PLG: variants seen among roughly 807,000 people sequenced by gnomAD.
The protein encoded by PLG is plasminogen, also known as plasmin.
A neutral mutation model predicts 104.4 loss-of-function variants in PLG; 41 were observed. The observed-to-expected ratio is 0.39, with a 90% CI of 0.31 to 0.51. The LOEUF (loss-of-function observed/expected upper bound fraction) is 0.51, where lower values mean the gene tolerates loss of function less well. Among genes scored for constraint, PLG ranks in the 20% least tolerant of loss-of-function variants. The pLI, the probability that PLG is intolerant of heterozygous loss-of-function variation, is 0.76. For synonymous variants in PLG, 337 were observed against 357.1 expected (o/e 0.94, Z 0.63); for missense variants, 891 against 1,003.6 (o/e 0.89, Z 1.52).
intron 9 of PLG, among the ~76,000 whole-genome samples, chr6:160,720,519 A>T (rs985060879): frequency 1.5e-5 from 2 of 135,440 alleles, no homozygotes; most frequent in African/African-American, 5.6e-5. Context: ...TCCCAGGTTC[A>T]AGTGATTCTC....
At position 160,731,333 on chromosome 6, in the gene PLG, C is replaced by A; in HGVS notation, c.1438+101C>A. 4 of 1,100,028 alleles carry A rather than the reference C, an allele frequency of 3.6e-6. No homozygotes were observed. The highest frequency in any genetic ancestry group is 1.3e-5 in the South Asian group (1 of 78,340). 68.1% of individuals were successfully genotyped at this position (1,100,028 alleles called of 1,614,324 possible). On this transcript the variant is annotated intron_variant, in intron 11 of 18. Coordinates refer to ENST00000308192, the MANE Select transcript of PLG (RefSeq NM_000301.5). The surrounding 1 kb of genome is among the most constrained non-coding windows in gnomAD (Gnocchi z 5.1). ...AAACCTTCCATGCTACACGAGAAAT[C>A]AAGTGTTTTTAGAGGGTCTGCCATG...
At position 160,706,470 on chromosome 6, in the gene PLG, A is replaced by G; in HGVS notation, c.113A>G (p.Lys38Arg). 1 of 1,613,874 alleles carries G rather than the reference A, an allele frequency of 6.2e-7. No homozygotes were observed. Among genetic ancestry groups the G allele is most frequent in the Non-Finnish European group, 8.5e-7 (1 of 1,179,780 alleles). The change falls in exon 2 of 19, where the codon AAG becomes AGG. Residue 38 changes from lysine (K) to arginine (R), a missense_variant. Lys to Arg is a conservative substitution (Grantham distance 26). Coordinates refer to ENST00000308192, the MANE Select transcript of PLG (RefSeq NM_000301.5). ...TQGASLFSVT[K>R]KQLGAGSIEE... ...GGGGCTTCACTGTTCAGTGTCACTA[A>G]GAAGCAGCTGGGAGCAGGAAGTATA...
chr6:160,707,535 G>T (rs1332728196), intron 2 of PLG, among the ~76,000 whole-genome samples, 165 bp from the exon 3 acceptor site: 1 of 152,196 alleles, frequency 6.6e-6, no homozygotes, highest in Non-Finnish European at 1.5e-5. Flanking sequence ...ATTTTGTTCA[G>T]TACTTCATCG....
At position 160,734,076 on chromosome 6, in the gene PLG, G is replaced by A. The variant is rs1354335535; in HGVS notation, c.1669G>A (p.Val557Ile). 6.3e-7 allele frequency: 1 copy of A among 1,589,132 alleles called. No individual in the cohort carries two copies. Among genetic ancestry groups the A allele is most frequent in the African/African-American group, 1.3e-5 (1 of 74,438 alleles). Reference sequence around the variant, plus strand: ...AAGAAAACTTTACGACTACTGTGATGTCCCTCAGTGTGGTAGGTTGCCTTC... The same window carrying A: ...AAGAAAACTTTACGACTACTGTGATATCCCTCAGTGTGGTAGGTTGCCTTC... ...NPRKLYDYCD[V>I]PQCAAPSFDC... The change falls in exon 13 of 19, where the codon GTC becomes ATC. Residue 557 changes from valine (V) to isoleucine (I), a missense_variant. By Grantham distance (29) the Val-to-Ile change is conservative. This residue lies in a region of PLG where 854 missense variants were observed against 932.1 expected (regional missense o/e 0.92). Coordinates refer to ENST00000308192, the MANE Select transcript of PLG (RefSeq NM_000301.5). The surrounding 1 kb of genome is among the most constrained non-coding windows in gnomAD (Gnocchi z 4.4).
rs201754541 is a variant in PLG at position 160,734,745 on chromosome 6, G to GA, written c.1681+676dup. On this transcript the variant is annotated intron_variant, in intron 13 of 18. Transcript: ENST00000308192. The surrounding 1 kb of genome is among the most constrained non-coding windows in gnomAD (Gnocchi z 4.4). ...GAATAACAAATCCATGGGTATTTCT[G>GA]AAAAAAAAAAAAAAAAAAAGAAAGG... Among the ~76,000 whole-genome samples the GA allele has an allele frequency of 9.0e-3, 1,021 of 113,868 alleles. 4 individuals carry two copies. Among genetic ancestry groups the GA allele is most frequent in the Admixed American group, 0.013 (145 of 11,550 alleles). 74.7% of individuals were successfully genotyped at this position (113,868 alleles called of 152,430 possible).
intron 17 of PLG, among the ~76,000 whole-genome samples, chr6:160,751,216 G>C (rs1196493875): frequency 2.0e-5 from 3 of 152,180 alleles, no homozygotes; most frequent in Admixed American, 1.3e-4. Flanking sequence ...AAAATGTTAA[G>C]GAATAAGAAT....
upstream of PLG, chr6:160,702,199 T>C: frequency 2.4e-6 from 3 of 1,257,414 alleles, no homozygotes; most frequent in Non-Finnish European, 3.4e-6. Context: ...GAGAGAATCA[T>C]TAACTTAATT....
chr6:160,727,537 A>G (rs747994868), intron 10 of PLG, among the ~76,000 whole-genome samples: 13 of 151,902 alleles, frequency 8.6e-5, no homozygotes, highest in Non-Finnish European at 1.5e-4. Context: ...ACATAAATAT[A>G]AAAAGATGTA....
rs4252130 is a variant in PLG, at chr6:160,732,048, A to C, written c.1587+155A>C. 0.21 allele frequency among the ~76,000 whole-genome samples: 32,106 copies of C among 152,104 alleles called. 3,986 individuals are homozygous for C. The highest frequency in any genetic ancestry group is 0.29 in the Non-Finnish European group (19,729 of 67,966). ...ATATTGGAAAGGCATCAGGGGGCTA[A>C]GCTAGAATATAATTGGCCTTAGTAT... On this transcript the variant is annotated intron_variant, in intron 12 of 18. Transcript: ENST00000308192. This position sits in a 1 kb window ranked among gnomAD's most constrained non-coding sequence, Gnocchi z 4.5.
chr6:160,729,267 G>A (rs1015991380), intron 10 of PLG, among the ~76,000 whole-genome samples: 1 of 152,250 alleles, frequency 6.6e-6, no homozygotes, highest in Non-Finnish European at 1.5e-5. Context: ...TGTCACTGAT[G>A]TGGAGCGAGG....
At chr6:160,705,067 C>T (rs2872761) in intron 1 of PLG, among the ~76,000 whole-genome samples, 30 of 152,276 alleles carry the variant, frequency 2.0e-4, no homozygotes, top group African/African-American at 5.5e-4. Context: ...TGTAACCCAC[C>T]CCCTCTGCCT....
chr6:160,704,758 G>T (rs367909366), intron 1 of PLG, among the ~76,000 whole-genome samples: 2 of 152,208 alleles, frequency 1.3e-5, no homozygotes, highest in East Asian at 1.9e-4. Context: ...AAGTCCCAGA[G>T]GTGGGGAGCA....
intron 17 of PLG, among the ~76,000 whole-genome samples, chr6:160,743,785 T>C (rs971141738): frequency 6.6e-6 from 1 of 152,234 alleles, no homozygotes; most frequent in African/African-American, 2.4e-5. Flanking sequence ...AGTATGATGT[T>C]GGCTGTGGAC....
Position 160,739,374 on chromosome 6 carries a change from C to G in PLG, c.2018+166C>G, listed in dbSNP as rs1051656975. 6.6e-6 allele frequency among the ~76,000 whole-genome samples: 1 copy of G among 152,126 alleles called. No individual in the cohort carries two copies. The highest frequency in any genetic ancestry group is 2.4e-5 in the African/African-American group (1 of 41,398). On this transcript the variant is annotated intron_variant, in intron 16 of 18. Transcript: ENST00000308192. The surrounding 1 kb of genome is among the most constrained non-coding windows in gnomAD (Gnocchi z 4.4). ...TCAATCTTCAACCCTAGCCCTGCCA[C>G]ATGCTAGCTGTGCTCTTGAGAAAGG...
In PLG at chr6:160,735,621, T is replaced by C. The variant is rs1196268639; in HGVS notation, c.1682-1266T>C. ...GTTTCATGCAGAAGGATATGGTTTA[T>C]TCAGGTTTGACTCGTGCTTGAGAAA... is the stretch of plus-strand genomic sequence containing the variant. On this transcript the variant is annotated intron_variant, in intron 13 of 18. Transcript: ENST00000308192. This position sits in a 1 kb window ranked among gnomAD's most constrained non-coding sequence, Gnocchi z 5.4. 3.9e-5 allele frequency among the ~76,000 whole-genome samples: 6 copies of C among 152,256 alleles called. No individual in the cohort carries two copies. Among genetic ancestry groups the C allele is most frequent in the Non-Finnish European group, 8.8e-5 (6 of 68,036 alleles).
At chr6:160,747,575 G>A (rs1347779329) in intron 17 of PLG, among the ~76,000 whole-genome samples, 1 of 152,096 alleles carries the variant, frequency 6.6e-6, no homozygotes, top group Non-Finnish European at 1.5e-5. Flanking sequence ...ATTTTCAAGT[G>A]GTGTTTTTCA....
intron 17 of PLG, among the ~76,000 whole-genome samples, chr6:160,747,538 C>T (rs1778297381): frequency 6.6e-6 from 1 of 152,208 alleles, no homozygotes; most frequent in Admixed American, 6.5e-5. Context: ...TACCACTCAG[C>T]TCTAACCCCT....
chr6:160,744,325 T>C lies in PLG; in HGVS notation c.2125+2908T>C, dbSNP rs1778245031. On this transcript the variant is annotated intron_variant, in intron 17 of 18. Transcript: ENST00000308192. This position sits in a 1 kb window ranked among gnomAD's most constrained non-coding sequence, Gnocchi z 4.5. ...TGGTTAGTAGGCTATTTATTACTGA[T>C]TCAATTTTGGAGCTCATTATTGTTC... Among the ~76,000 whole-genome samples, 2 of 152,126 alleles carry C rather than the reference T, an allele frequency of 1.3e-5. No individual in the cohort carries two copies. The highest frequency in any genetic ancestry group is 2.4e-5 in the African/African-American group (1 of 41,436).
At position 160,734,163 on chromosome 6, in the gene PLG, G is replaced by A; in HGVS notation, c.1681+75G>A. The stretch of plus-strand genomic sequence containing the variant: ...GCAACAAAAAAGGAAAAGGGCTTCT[G>A]AGCAGACTGCTTCTGGGGAGGAGAT... On this transcript the variant is annotated intron_variant, in intron 13 of 18. Coordinates refer to ENST00000308192, the MANE Select transcript of PLG (RefSeq NM_000301.5). This position sits in a 1 kb window ranked among gnomAD's most constrained non-coding sequence, Gnocchi z 4.4. 1 of 817,608 alleles carries A rather than the reference G, an allele frequency of 1.2e-6. No homozygotes were observed. The highest frequency in any genetic ancestry group is 2.1e-6 in the Non-Finnish European group (1 of 469,966). 50.6% of individuals were successfully genotyped at this position (817,608 alleles called of 1,614,324 possible).
Sources: allele counts gnomAD v4.1 joint callset (sites outside exome capture counted in the v4.1 genomes callset), GRCh38; gene constraint gnomAD v4.1.1; regional missense constraint gnomAD v4.1.1; non-coding constraint Gnocchi (gnomAD v3.1); transcripts MANE v1.5; gene names NCBI Gene and HGNC (gene_info 2026-07-23, HGNC 2026-07-21).